The following TRAPPC11 variants were observed in gnomAD, a reference collection of about 807,000 sequenced individuals.
TRAPPC11 encodes trafficking protein particle complex subunit 11.
In TRAPPC11, 104 loss-of-function variants were observed where a neutral mutation model predicts 151.2. The observed-to-expected ratio is 0.69, with a 90% confidence interval of 0.59 to 0.81. The LOEUF (loss-of-function observed/expected upper bound fraction) is 0.81. Among genes scored for constraint, TRAPPC11 ranks in the 30% least tolerant of loss-of-function variants. The pLI is 0.00. For missense variants in TRAPPC11, 1,230 were observed against 1,349.6 expected (o/e 0.91, Z 1.39); for synonymous variants, 456 against 472.3 (o/e 0.97, Z 0.45).
At chr4:183,660,007 G>C (rs1261876995) in intron 1 of TRAPPC11, among the ~76,000 whole-genome samples, 1 of 152,082 alleles carries the variant, frequency 6.6e-6, no homozygotes, top group African/African-American at 2.4e-5. Context: ...TGCATTACTT[G>C]ATCTCCCATC....
At chr4:183,700,442 C>T (rs1736747824) in intron 25 of TRAPPC11, among the ~76,000 whole-genome samples, 2 of 152,146 alleles carry the variant, frequency 1.3e-5, no homozygotes, top group South Asian at 2.1e-4. Flanking sequence ...TGTTGTTATT[C>T]CTTTGGAGTT....
intron 25 of TRAPPC11, among the ~76,000 whole-genome samples, chr4:183,700,085 T>G (rs570337863): frequency 6.6e-6 from 1 of 152,312 alleles, no homozygotes; most frequent in East Asian, 1.9e-4. Context: ...GTGCTGGGAT[T>G]ACAAGCGTGA....
intron 18 of TRAPPC11, among the ~76,000 whole-genome samples, chr4:183,689,516 G>C (rs73872665): frequency 0.019 from 2,819 of 152,116 alleles, 94 homozygotes; most frequent in African/African-American, 0.065. Flanking sequence ...TGATTATTTG[G>C]TAAATTACCT....
rs533863105 is a variant in TRAPPC11 at position 183,705,173 on chromosome 4, C to T, written c.3055+103C>T. 6.1e-6 allele frequency: 5 copies of T among 821,774 alleles called. No individual in the cohort carries two copies. The African/African-American group carries it at 8.3e-5, about 14-fold the overall frequency. 50.9% of individuals were successfully genotyped at this position (821,774 alleles called of 1,614,324 possible). On this transcript the variant is annotated intron_variant, in intron 27 of 29. Transcript: ENST00000334690. ...TTAACATTCTATTTAGAAAGTTTTT[C>T]AGCATTTGTAAAAGTAGCTTATGGC...
chr4:183,682,732 G>T lies in TRAPPC11; in HGVS notation c.1114G>T (p.Ala372Ser), dbSNP rs372479687. 1.2e-6 allele frequency: 2 copies of T among 1,600,482 alleles called. No homozygotes were observed. The highest frequency in any genetic ancestry group is 1.7e-6 in the Non-Finnish European group (2 of 1,171,752). The stretch of plus-strand genomic sequence containing the variant: ...TTTAGGTTTGTGTTTTAATTTACAG[G>T]CTTCTGTAATGTATCCCAATCCTGA... The part of the protein sequence containing the change: ...QLAKTLCNHE[A>S]SVMYPNPDPL... The change falls in exon 11 of 30, where the codon GCT (alanine) becomes TCT (serine). Residue 372 changes from alanine (A) to serine (S), a missense_variant and splice_region_variant. Coordinates refer to ENST00000334690, the MANE Select transcript of TRAPPC11 (RefSeq NM_021942.6).
rs1737195340 is a variant in TRAPPC11, at chr4:183,708,541, C to T, written c.3324C>T (p.Leu1108=). ...TTCCTAACTTCACAAATCAGCTGCT[C>T]AGGCGTTTTATACCTACCAGTATTT... The part of the protein sequence containing the change: ...LRFPNFTNQL[L]RRFIPTSIFV... Residue 1108 remains leucine (L), a synonymous_variant, in exon 29 of 30, where the codon CTC becomes CTT. Transcript: ENST00000334690. The T allele has an allele frequency of 1.2e-6, 2 of 1,613,948 alleles. No individual in the cohort carries two copies. The highest frequency in any genetic ancestry group is 1.3e-5 in the African/African-American group (1 of 74,914).
At chr4:183,709,761 C>T (rs1579233126) in intron 29 of TRAPPC11, among the ~76,000 whole-genome samples, 1 of 152,038 alleles carries the variant, frequency 6.6e-6, no homozygotes, top group Non-Finnish European at 1.5e-5. Context: ...GGCAACAGAG[C>T]GAGACACTGT....
intron 18 of TRAPPC11, among the ~76,000 whole-genome samples, chr4:183,689,258 C>T (rs1401101118): frequency 6.6e-6 from 1 of 151,974 alleles, no homozygotes; most frequent in African/African-American, 2.4e-5. Flanking sequence ...ATCTGGATTG[C>T]CAAGTGCATA....
intron 10 of TRAPPC11, among the ~76,000 whole-genome samples, chr4:183,680,513 C>T (rs1018611347): frequency 6.6e-6 from 1 of 152,056 alleles, no homozygotes; most frequent in East Asian, 1.9e-4. Flanking sequence ...ACTATTTAGA[C>T]AAGAGAAAAT....
At chr4:183,683,886 A>C (rs933624429) in intron 11 of TRAPPC11, 89 bp from the exon 12 acceptor site, 24 of 995,540 alleles carry the variant, frequency 2.4e-5, no homozygotes, top group Admixed American at 2.3e-4. Flanking sequence ...TATTAAATAA[A>C]GGTTTCAAGG....
At chr4:183,660,826 G>T (rs568992795) in intron 1 of TRAPPC11, among the ~76,000 whole-genome samples, 1 of 152,286 alleles carries the variant, frequency 6.6e-6, no homozygotes, top group African/African-American at 2.4e-5. Flanking sequence ...CCATTCTCCT[G>T]CCTCAGCCTC....
intron 25 of TRAPPC11, among the ~76,000 whole-genome samples, chr4:183,698,431 C>G (rs771047331): frequency 6.6e-6 from 1 of 151,852 alleles, no homozygotes; most frequent in Non-Finnish European, 1.5e-5. Flanking sequence ...CTTTGTTTTT[C>G]TGTCTCCTTC....
chr4:183,678,570 G>A (rs1322180679), intron 8 of TRAPPC11, among the ~76,000 whole-genome samples: 1 of 152,188 alleles, frequency 6.6e-6, no homozygotes, highest in Admixed American at 6.5e-5. Context: ...ATTGCAAGAT[G>A]AATAAAGTCA....
rs998372791 is a variant in TRAPPC11 at position 183,689,826 on chromosome 4, A to G, written c.1894-1490A>G. Among the ~76,000 whole-genome samples, 4 of 151,826 alleles carry G rather than the reference A, an allele frequency of 2.6e-5. No homozygotes were observed. In the South Asian group the frequency reaches 6.2e-4, roughly 24 times the overall value. ...TCAACAAAAAATATAAGCTACTATAATTAAAAACTAATAACGCTAAAATGG... is the reference window on the plus strand; with the variant it reads ...TCAACAAAAAATATAAGCTACTATAGTTAAAAACTAATAACGCTAAAATGG... On this transcript the variant is annotated intron_variant, in intron 18 of 29. Coordinates refer to ENST00000334690, the MANE Select transcript of TRAPPC11 (RefSeq NM_021942.6).
At chr4:183,682,068 A>G (rs1735726533) in intron 10 of TRAPPC11, among the ~76,000 whole-genome samples, 1 of 152,238 alleles carries the variant, frequency 6.6e-6, no homozygotes, top group South Asian at 2.1e-4. Flanking sequence ...TATACAGAAT[A>G]TATTTAAATG....
At chr4:183,665,062 G>T (rs1008292092) in intron 2 of TRAPPC11, among the ~76,000 whole-genome samples, 1 of 150,488 alleles carries the variant, frequency 6.6e-6, no homozygotes, top group African/African-American at 2.4e-5. Flanking sequence ...CCCAGCCCTG[G>T]CCCTCACACG....
At position 183,685,373 on chromosome 4, in the gene TRAPPC11, A is replaced by G; in HGVS notation, c.1732A>G (p.Thr578Ala). The G allele has an allele frequency of 6.2e-7, 1 of 1,614,180 alleles. No homozygotes were observed. The highest frequency in any genetic ancestry group is 1.1e-5 in the South Asian group (1 of 91,090). The change falls in exon 17 of 30, where the codon ACA (threonine) becomes GCA (alanine). Residue 578 changes from threonine (T) to alanine (A), a missense_variant. Transcript: ENST00000334690. Reference sequence around the variant, plus strand: ...TTCTCTGGCTGGCAGCAATATTTTCACAATAGGAGTACAGGACTTTGTGCC... The same window carrying G: ...TTCTCTGGCTGGCAGCAATATTTTCGCAATAGGAGTACAGGACTTTGTGCC... ...RISLAGSNIF[T>A]IGVQDFVPFV... is the part of the protein sequence containing the mutation.
chr4:183,680,427 C>G (rs888776343), intron 10 of TRAPPC11, among the ~76,000 whole-genome samples, 160 bp downstream of exon 10: 15 of 152,062 alleles, frequency 9.9e-5, no homozygotes, highest in African/African-American at 3.4e-4. Flanking sequence ...TGGTTTTAGC[C>G]TGAGTACTCT....
chr4:183,678,865 C>A, intron 8 of TRAPPC11, among the ~76,000 whole-genome samples: 1 of 152,140 alleles, frequency 6.6e-6, no homozygotes. Context: ...CAAATACATA[C>A]ATATTAGTAC....
Sources: gnomAD v4.1 joint callset for allele counts (sites outside exome capture counted in the v4.1 genomes callset) on GRCh38, gnomAD v4.1.1 for gene constraint, MANE v1.5 for transcripts, NCBI Gene and HGNC (gene_info 2026-07-23, HGNC 2026-07-21) for gene names.